RAPGEF5: variants seen among roughly 807,000 people sequenced by gnomAD.
RAPGEF5 encodes M-Ras-regulated GEF.
RAPGEF5 carries 65 observed loss-of-function variants against 125.2 expected under a neutral mutation model. That is an observed-to-expected ratio of 0.52 (90% CI 0.43 to 0.64). The LOEUF (loss-of-function observed/expected upper bound fraction) is 0.64. RAPGEF5 is among the 30% of genes least tolerant of loss of function. The pLI is 0.00. For missense variants in RAPGEF5, 958 were observed against 1,048.1 expected, an observed-to-expected ratio of 0.91 and a Z score of 1.19; for synonymous variants, 391 against 385.9, an observed-to-expected ratio of 1.01 and a Z score of -0.16.
At chr7:22,156,970 A>G in intron 15 of RAPGEF5, 82 bp from the exon 16 acceptor site, 5 of 1,556,032 alleles carry the variant, frequency 3.2e-6, no homozygotes, top group Non-Finnish European at 4.3e-6. Context: ...TATGTTCCAA[A>G]AGAACTAGCC....
At chr7:22,169,234 A>T (rs1165587579) in intron 11 of RAPGEF5, among the ~76,000 whole-genome samples, 9 of 152,192 alleles carry the variant, frequency 5.9e-5, no homozygotes, top group Non-Finnish European at 8.8e-5. Context: ...GTCTCTGTTT[A>T]TGGAAGTTTC....
intron 12 of RAPGEF5, 72 bp downstream of exon 12, chr7:22,166,998 C>T (rs1267028818): frequency 1.1e-5 from 13 of 1,218,120 alleles, no homozygotes; most frequent in Non-Finnish European, 1.4e-5. Context: ...TTAAGGAAGG[C>T]AGTTAATTCC....
chr7:22,294,929 T>C (rs1044363193), intron 5 of RAPGEF5, among the ~76,000 whole-genome samples: 14 of 152,266 alleles, frequency 9.2e-5, no homozygotes, highest in African/African-American at 3.4e-4. Flanking sequence ...CAAAGATATC[T>C]ATTCAAGGTG....
chr7:22,213,822 A>C (rs6957379), intron 9 of RAPGEF5, among the ~76,000 whole-genome samples: 52,660 of 152,054 alleles, frequency 0.35, 9,341 homozygotes, highest in African/African-American at 0.4. Context: ...GGTTAAACTA[A>C]ATTACTGATA....
intron 5 of RAPGEF5, among the ~76,000 whole-genome samples, chr7:22,294,211 G>A (rs747326545): frequency 4.9e-4 from 74 of 152,288 alleles, no homozygotes; most frequent in Non-Finnish European, 7.6e-4. Context: ...GGAATCAGCA[G>A]GTAATGACAG....
intron 1 of RAPGEF5, among the ~76,000 whole-genome samples, chr7:22,353,455 A>T (rs1451585398): frequency 1.3e-5 from 2 of 152,158 alleles, no homozygotes; most frequent in East Asian, 3.8e-4. Flanking sequence ...AAACTGAAAA[A>T]TTTGTGAGTA....
At chr7:22,205,005 G>T (rs955236342) in intron 9 of RAPGEF5, among the ~76,000 whole-genome samples, 1 of 151,902 alleles carries the variant, frequency 6.6e-6, no homozygotes, top group Non-Finnish European at 1.5e-5. Flanking sequence ...AGGACAGACT[G>T]GGGGAACAAA....
chr7:22,176,231 C>T (rs1414368893), intron 11 of RAPGEF5, among the ~76,000 whole-genome samples: 2 of 152,136 alleles, frequency 1.3e-5, no homozygotes, highest in Non-Finnish European at 2.9e-5. Context: ...GAAAGACTTG[C>T]CCCATGATTC....
intron 11 of RAPGEF5, among the ~76,000 whole-genome samples, chr7:22,180,023 T>G (rs1260819949): frequency 6.6e-6 from 1 of 152,192 alleles, no homozygotes; most frequent in Admixed American, 6.5e-5. Flanking sequence ...TGCTTTCACT[T>G]TACTCTATGG....
chr7:22,282,721 A>T (rs1266266884), intron 6 of RAPGEF5, among the ~76,000 whole-genome samples: 1 of 152,242 alleles, frequency 6.6e-6, no homozygotes, highest in Non-Finnish European at 1.5e-5. Context: ...AATATTAGCC[A>T]TTCTTAGCCT....
intron 5 of RAPGEF5, among the ~76,000 whole-genome samples, chr7:22,292,609 G>A (rs1230675505): frequency 2.0e-5 from 3 of 152,158 alleles, no homozygotes; most frequent in African/African-American, 7.2e-5. Flanking sequence ...GGCTTCTGTG[G>A]TTATACTGAG....
chr7:22,269,347 C>T (rs1355931815), intron 6 of RAPGEF5, among the ~76,000 whole-genome samples: 1 of 152,064 alleles, frequency 6.6e-6, no homozygotes, highest in Non-Finnish European at 1.5e-5. Flanking sequence ...AGCAATCAAT[C>T]ATTTAAAGTT....
At chr7:22,318,208 T>C (rs1783642353) in intron 1 of RAPGEF5, among the ~76,000 whole-genome samples, 171 bp from the exon 2 acceptor site, 1 of 151,554 alleles carries the variant, frequency 6.6e-6, no homozygotes, top group Admixed American at 6.6e-5. Context: ...TTATTTTCAC[T>C]CAATGTAAAT....
rs141608715 is a variant in RAPGEF5, at chr7:22,255,739, A to AG, written c.796+11224dup. 9.3e-3 allele frequency among the ~76,000 whole-genome samples: 1,410 copies of AG among 152,306 alleles called. 27 individuals carry two copies. Among genetic ancestry groups the AG allele is most frequent in the African/African-American group, 0.032 (1,320 of 41,550 alleles). ...TTCCTGGCTGGTTTATCCTAGAAAG[A>AG]GAGAAAAAATGTTATTACCCACAAC... On this transcript the variant is annotated intron_variant, in intron 7 of 25. Transcript: ENST00000665637.
At chr7:22,133,226 G>T (rs909058094) in intron 23 of RAPGEF5, among the ~76,000 whole-genome samples, 1 of 152,182 alleles carries the variant, frequency 6.6e-6, no homozygotes, top group Non-Finnish European at 1.5e-5. Context: ...GCATAAGGCA[G>T]GGAAGGTGTC....
chr7:22,214,424 T>C (rs1785582701), intron 9 of RAPGEF5, among the ~76,000 whole-genome samples: 1 of 152,160 alleles, frequency 6.6e-6, no homozygotes, highest in Non-Finnish European at 1.5e-5. Flanking sequence ...CAGTTGGAAG[T>C]CAGGAAGTCA....
intron 7 of RAPGEF5, among the ~76,000 whole-genome samples, chr7:22,256,899 G>T (rs79978247): frequency 9.2e-5 from 14 of 152,276 alleles, no homozygotes; most frequent in South Asian, 6.2e-4. Flanking sequence ...ATCCACTAAG[G>T]TTCGCTCTTA....
At chr7:22,270,545 C>CCAT (rs1295339414) in intron 6 of RAPGEF5, among the ~76,000 whole-genome samples, 7 of 152,132 alleles carry the variant, frequency 4.6e-5, no homozygotes, top group African/African-American at 1.7e-4. Context: ...TGTAGTAGAA[C>CCAT]CATGTTCTGA....
intron 6 of RAPGEF5, among the ~76,000 whole-genome samples, chr7:22,288,192 C>A (rs568148057): frequency 6.6e-6 from 1 of 152,162 alleles, no homozygotes; most frequent in South Asian, 2.1e-4. Context: ...CATTTCCTCT[C>A]ACTGTCCTCT....
Sources: gnomAD v4.1 joint callset for allele counts (sites outside exome capture counted in the v4.1 genomes callset) on GRCh38, gnomAD v4.1.1 for gene constraint, MANE v1.5 for transcripts, NCBI Gene and HGNC (gene_info 2026-07-23, HGNC 2026-07-21) for gene names.